Variants in FAT4 observed in about 807,000 individuals in gnomAD.
FAT4 encodes the protein protocadherin Fat 4.
Under a neutral mutation model 303.9 loss-of-function variants are expected in FAT4, and 84 were observed. That is an observed-to-expected ratio of 0.28 (90% CI 0.23 to 0.33). The LOEUF is 0.33. Among genes scored for constraint, FAT4 ranks in the 10% least tolerant of loss-of-function variants. FAT4 has a pLI of 1.00. For synonymous variants in FAT4, 2,307 were observed against 2,298.8 expected, an observed-to-expected ratio of 1.00 and a Z score of -0.10; for missense variants, 6,005 against 6,146.8, an observed-to-expected ratio of 0.98 and a Z score of 0.77.
chr4:125,484,518 TCAAAG>T (rs925560401), intron 16 of FAT4, among the ~76,000 whole-genome samples: 1 of 152,126 alleles, frequency 6.6e-6, no homozygotes, highest in Non-Finnish European at 1.5e-5. Context: ...AATAAGGAAT[TCAAAG>T]CTCTATAGAT....
At chr4:125,484,744 G>A (rs1727349222) in intron 16 of FAT4, among the ~76,000 whole-genome samples, 1 of 152,092 alleles carries the variant, frequency 6.6e-6, no homozygotes, top group Non-Finnish European at 1.5e-5. Context: ...CATGTTTACT[G>A]TACTAAATAC....
chr4:125,484,060 TACACACACACACACACAC>T (rs34883833), intron 16 of FAT4, among the ~76,000 whole-genome samples: 3 of 138,160 alleles, frequency 2.2e-5, no homozygotes, highest in African/African-American at 8.2e-5. Flanking sequence ...CAGACACACA[TACACACACACACACACAC>T]ACACACACAC....
At chr4:125,371,951 C>T (rs866929053) in intron 2 of FAT4, among the ~76,000 whole-genome samples, 57 of 152,184 alleles carry the variant, frequency 3.7e-4, no homozygotes, top group Admixed American at 9.8e-4. Context: ...GCTAGCGTGT[C>T]TGCAGTGCCT....
intron 2 of FAT4, among the ~76,000 whole-genome samples, chr4:125,360,158 C>A (rs954863495): frequency 3.9e-5 from 6 of 152,036 alleles, no homozygotes; most frequent in Non-Finnish European, 8.8e-5. Context: ...GCTCTCATGC[C>A]CCTTCGCAAT....
rs1315701523 is a variant in FAT4, at chr4:125,449,525, G to T, written c.8515G>T (p.Asp2839Tyr). The T allele has an allele frequency of 1.2e-6, 2 of 1,613,634 alleles. No individual in the cohort carries two copies. Among genetic ancestry groups the T allele is most frequent in the East Asian group, 4.5e-5 (2 of 44,854 alleles). ...IVISRPLNREDTDRYRIRVSA... is the reference protein window; with the variant it reads ...IVISRPLNREYTDRYRIRVSA... ...CATAAGCAGACCTTTAAATAGGGAA[G>T]ATACAGACCGTTACAGAATTCGAGT... The change falls in exon 10 of 18, where the codon GAT becomes TAT. Residue 2839 changes from aspartate to tyrosine, a missense_variant. Physicochemically the swap from Asp to Tyr is radical, Grantham distance 160 (BLOSUM62 -3). Coordinates refer to ENST00000394329, the MANE Select transcript of FAT4 (RefSeq NM_001291303.3).
intron 10 of FAT4, among the ~76,000 whole-genome samples, chr4:125,459,123 A>G (rs761080573): frequency 8.6e-5 from 13 of 152,026 alleles, no homozygotes; most frequent in Non-Finnish European, 1.9e-4. Context: ...AGGAGATTTA[A>G]AAATAATATT....
rs1725940097 is a variant in FAT4 at position 125,449,142 on chromosome 4, A to G, written c.8132A>G (p.Asn2711Ser). The G allele has an allele frequency of 1.9e-6, 3 of 1,614,018 alleles. No individual in the cohort carries two copies. The highest frequency in any genetic ancestry group is 1.1e-5 in the South Asian group (1 of 91,086). The change falls in exon 10 of 18, where the codon AAT (asparagine) becomes AGT (serine). Residue 2711 changes from asparagine to serine, a missense_variant. Asn to Ser is a conservative substitution (Grantham distance 46, BLOSUM62 1). Coordinates refer to ENST00000394329, the MANE Select transcript of FAT4 (RefSeq NM_001291303.3). ...PNGQLDYEIV[N>S]GNMENSFSIN... is the part of the protein sequence containing the mutation. ...GGACAGTTAGATTATGAAATTGTTA[A>G]TGGCAACATGGAAAATAGTTTCAGT...
intron 2 of FAT4, 33 bp downstream of exon 2, chr4:125,321,619 A>T: frequency 6.5e-7 from 1 of 1,534,978 alleles, no homozygotes; most frequent in Non-Finnish European, 8.7e-7. Flanking sequence ...TTATTTGTTG[A>T]TTTGCTTTTT....
chr4:125,319,150 C>G lies in FAT4; in HGVS notation c.2739C>G (p.Phe913Leu), dbSNP rs770294894. The G allele has an allele frequency of 6.2e-7, 1 of 1,614,052 alleles. No individual in the cohort carries two copies. The highest frequency in any genetic ancestry group is 8.5e-7 in the Non-Finnish European group (1 of 1,179,994). The change falls in exon 2 of 18, where the codon TTC becomes TTG. Residue 913 changes from phenylalanine to leucine, a missense_variant. Coordinates refer to ENST00000394329, the MANE Select transcript of FAT4 (RefSeq NM_001291303.3). ...VENWQAGHSI[F>L]QAKAVDPDEG... Reference sequence around the variant, plus strand: ...ATTGGCAGGCAGGTCACAGCATTTTCCAGGCCAAAGCTGTGGACCCTGATG... The same window carrying G: ...ATTGGCAGGCAGGTCACAGCATTTTGCAGGCCAAAGCTGTGGACCCTGATG...
chr4:125,348,056 A>G (rs1313997727), intron 2 of FAT4, among the ~76,000 whole-genome samples: 2 of 151,808 alleles, frequency 1.3e-5, no homozygotes, highest in African/African-American at 4.8e-5. Flanking sequence ...CAAATTTCAC[A>G]TCACTCAGTC....
chr4:125,416,957 ATAAAT>A (rs1735100706), intron 7 of FAT4, among the ~76,000 whole-genome samples: 3 of 152,178 alleles, frequency 2.0e-5, no homozygotes, highest in African/African-American at 2.4e-5. Flanking sequence ...AAATAAACAA[ATAAAT>A]TAAATAATAA....
chr4:125,409,559 C>CTGGTTTT (rs1553968224), intron 5 of FAT4, among the ~76,000 whole-genome samples: 1 of 152,086 alleles, frequency 6.6e-6, no homozygotes, highest in Non-Finnish European at 1.5e-5. Context: ...CCCAGCCCAG[C>CTGGTTTT]TAATAATATT....
chr4:125,352,244 A>AT (rs1732253498), intron 2 of FAT4, among the ~76,000 whole-genome samples: 1 of 151,566 alleles, frequency 6.6e-6, no homozygotes, highest in Non-Finnish European at 1.5e-5. Context: ...TTCTGGAAAC[A>AT]TTTTTTGGTC....
At chr4:125,405,343 TC>T (rs1034385224) in intron 3 of FAT4, among the ~76,000 whole-genome samples, 44 of 152,240 alleles carry the variant, frequency 2.9e-4, no homozygotes, top group African/African-American at 9.6e-4. Flanking sequence ...CATTTTGCAT[TC>T]CCACCAACAG....
At chr4:125,346,027 A>G (rs1339375154) in intron 2 of FAT4, among the ~76,000 whole-genome samples, 1 of 152,008 alleles carries the variant, frequency 6.6e-6, no homozygotes, top group African/African-American at 2.4e-5. Context: ...GACTTTGAGA[A>G]TTATTCACTT....
chr4:125,319,439 C>T lies in FAT4; in HGVS notation c.3028C>T (p.Pro1010Ser), dbSNP rs771044290. The change falls in exon 2 of 18, where the codon CCT (proline) becomes TCT (serine). Residue 1010 changes from proline (P) to serine (S), a missense_variant. By Grantham distance (74) the Pro-to-Ser change is moderately conservative. Coordinates refer to ENST00000394329, the MANE Select transcript of FAT4 (RefSeq NM_001291303.3). The stretch of plus-strand genomic sequence containing the variant: ...TGAAGTCACCCTTTCTGAGTCAGAA[C>T]CTGTGAATTCTCGATTCTTTAAAGT... ...SYEVTLSESE[P>S]VNSRFFKVQA... 6.2e-7 allele frequency: 1 copy of T among 1,613,704 alleles called. No homozygotes were observed. The highest frequency in any genetic ancestry group is 8.5e-7 in the Non-Finnish European group (1 of 1,179,770).
In FAT4 at chr4:125,452,211, AT is replaced by A. The variant is rs1314412769; in HGVS notation, c.11207del (p.Leu3736TyrfsTer8). On this transcript the variant is annotated frameshift_variant, in exon 10 of 18. Coordinates refer to ENST00000394329, the MANE Select transcript of FAT4 (RefSeq NM_001291303.3). LOFTEE classifies it high-confidence loss of function. ...VKDFLTNHYL[H>X]FLRIASSQLT... ...GACTTCTTGACCAACCACTATCTTC[AT>A]TTTTTACGCATTGCCAGCTCACAGC... is the stretch of plus-strand genomic sequence containing the variant. 6.2e-7 allele frequency: 1 copy of A among 1,614,104 alleles called. No homozygotes were observed. Among genetic ancestry groups the A allele is most frequent in the Non-Finnish European group, 8.5e-7 (1 of 1,180,012 alleles).
At chr4:125,370,254 A>C (rs1247538393) in intron 2 of FAT4, among the ~76,000 whole-genome samples, 1 of 152,186 alleles carries the variant, frequency 6.6e-6, no homozygotes, top group Admixed American at 6.5e-5. Flanking sequence ...AAGCACTTGT[A>C]TGTTTCATAC....
chr4:125,426,484 G>A lies in FAT4; in HGVS notation c.7019-7761G>A, dbSNP rs142645077. ...ATCTTGTTTCCAAAGTTGATAACTG[G>A]TTATTGTTTTAATTCCTCTTATTTG... On this transcript the variant is annotated intron_variant, in intron 7 of 17. Coordinates refer to ENST00000394329, the MANE Select transcript of FAT4 (RefSeq NM_001291303.3). Among the ~76,000 whole-genome samples the A allele has an allele frequency of 3.4e-3, 523 of 152,004 alleles. 3 individuals carry two copies. Among genetic ancestry groups the A allele is most frequent in the African/African-American group, 0.012 (499 of 41,512 alleles).
Sources: gnomAD v4.1 joint callset for allele counts (sites outside exome capture counted in the v4.1 genomes callset) on GRCh38, gnomAD v4.1.1 for gene constraint, MANE v1.5 for transcripts, NCBI Gene and HGNC (gene_info 2026-07-23, HGNC 2026-07-21) for gene names.